The following NKAIN2 variants were observed in gnomAD, a reference collection of about 807,000 sequenced individuals.
The protein encoded by NKAIN2 is sodium/potassium-transporting ATPase subunit beta-1-interacting protein 2.
NKAIN2 carries 14 observed loss-of-function variants against 32.6 expected under a neutral mutation model. The observed-to-expected ratio is 0.43, with a 90% CI of 0.28 to 0.67. The LOEUF is 0.67. NKAIN2 is among the 30% of genes least tolerant of loss of function. The probability of loss-of-function intolerance (pLI) is 0.17; values close to 1 mark genes in which losing one functional copy is unlikely to be tolerated. For missense variants in NKAIN2, 198 were observed against 258.3 expected, an observed-to-expected ratio of 0.77 and a Z score of 1.60; for synonymous variants, 80 against 87.2, an observed-to-expected ratio of 0.92 and a Z score of 0.46.
chr6:124,558,112 T>C (rs1780544014), intron 3 of NKAIN2, among the ~76,000 whole-genome samples: 2 of 152,224 alleles, frequency 1.3e-5, no homozygotes, highest in Admixed American at 1.3e-4. Context: ...CCTTTCTCTC[T>C]GCAGTTTATG....
intron 2 of NKAIN2, among the ~76,000 whole-genome samples, chr6:124,313,368 C>G (rs960187263): frequency 6.6e-5 from 10 of 152,036 alleles, no homozygotes; most frequent in African/African-American, 2.4e-4. Context: ...TATTGCCTGT[C>G]CCTTAAAAGC....
chr6:123,888,817 A>T (rs1773858744), intron 1 of NKAIN2, among the ~76,000 whole-genome samples: 1 of 152,050 alleles, frequency 6.6e-6, no homozygotes, highest in Non-Finnish European at 1.5e-5. Context: ...TCTCTTAGGG[A>T]CTGTCCATAC....
At chr6:124,775,326 A>T (rs1473945076) in intron 4 of NKAIN2, among the ~76,000 whole-genome samples, 2 of 152,180 alleles carry the variant, frequency 1.3e-5, no homozygotes, top group Non-Finnish European at 2.9e-5. Context: ...CTTCTTTTGC[A>T]GCTTTCTTGG....
At chr6:124,446,982 A>C (rs1273529826) in intron 3 of NKAIN2, among the ~76,000 whole-genome samples, 1 of 152,124 alleles carries the variant, frequency 6.6e-6, no homozygotes, top group Non-Finnish European at 1.5e-5. Flanking sequence ...AGCCCCAACA[A>C]CAACGAATAA....
intron 1 of NKAIN2, among the ~76,000 whole-genome samples, chr6:123,812,196 C>A (rs1468897900): frequency 6.6e-6 from 1 of 152,124 alleles, no homozygotes; most frequent in Non-Finnish European, 1.5e-5. Context: ...TCTGATATCC[C>A]CTATTAATCT....
chr6:123,871,343 T>G (rs935758575), intron 1 of NKAIN2, among the ~76,000 whole-genome samples: 5 of 152,222 alleles, frequency 3.3e-5, no homozygotes, highest in Non-Finnish European at 7.3e-5. Flanking sequence ...TAAATTTCGC[T>G]GAAATATGTT....
intron 3 of NKAIN2, among the ~76,000 whole-genome samples, chr6:124,470,800 A>G (rs1776941433): frequency 2.6e-5 from 4 of 152,304 alleles, no homozygotes; most frequent in African/African-American, 9.6e-5. Flanking sequence ...AAAAACAAGA[A>G]CAGAAACAAA....
At chr6:123,865,657 T>C (rs1044014881) in intron 1 of NKAIN2, among the ~76,000 whole-genome samples, 3 of 152,208 alleles carry the variant, frequency 2.0e-5, no homozygotes, top group African/African-American at 7.2e-5. Flanking sequence ...TTCTTGGAAA[T>C]AAACTTCAGA....
Position 124,001,800 on chromosome 6 carries a change from A to AATATGT in NKAIN2, c.54+197550_54+197551insGTATAT, listed in dbSNP as rs1208005298. 2.5e-3 allele frequency among the ~76,000 whole-genome samples: 343 copies of AATATGT among 135,124 alleles called. 5 individuals are homozygous for AATATGT. The highest frequency in any genetic ancestry group is 9.1e-3 in the African/African-American group (331 of 36,238). The allele number at this position is 135,124 out of a possible 152,430, so 88.6% of individuals were successfully genotyped here. On this transcript the variant is annotated intron_variant, in intron 1 of 6. Transcript: ENST00000368417. ...AGAAAAAGAAGTTCTCTTAGTTCTAAATATATATATATATATATATATATA... is the reference window on the plus strand; with the variant it reads ...AGAAAAAGAAGTTCTCTTAGTTCTAAATATGTATATATATATATATATATATATATA...
intron 3 of NKAIN2, among the ~76,000 whole-genome samples, chr6:124,381,381 T>C (rs1037507084): frequency 2.0e-5 from 3 of 152,194 alleles, no homozygotes; most frequent in Non-Finnish European, 4.4e-5. Flanking sequence ...CAGTTCTCAG[T>C]AATATTTAAG....
At chr6:124,106,432 T>C (rs1785124114) in intron 1 of NKAIN2, among the ~76,000 whole-genome samples, 1 of 152,126 alleles carries the variant, frequency 6.6e-6, no homozygotes, top group African/African-American at 2.4e-5. Context: ...AAGATAGAGG[T>C]TTGTATCTAT....
chr6:123,811,651 C>T (rs1461722421), intron 1 of NKAIN2, among the ~76,000 whole-genome samples: 1 of 151,884 alleles, frequency 6.6e-6, no homozygotes, highest in Non-Finnish European at 1.5e-5. Context: ...ATAGGAGTAT[C>T]TAGGGGAGAT....
At chr6:124,758,271 A>G (rs754841400) in intron 4 of NKAIN2, among the ~76,000 whole-genome samples, 5 of 152,010 alleles carry the variant, frequency 3.3e-5, no homozygotes, top group Non-Finnish European at 7.4e-5. Flanking sequence ...CTCAAAACTC[A>G]TATGTTAAAA....
chr6:124,370,973 AC>A (rs1405129605), intron 3 of NKAIN2, among the ~76,000 whole-genome samples: 1 of 151,582 alleles, frequency 6.6e-6, no homozygotes, highest in Non-Finnish European at 1.5e-5. Flanking sequence ...TTACACCCAG[AC>A]CCCCCAGTAC....
chr6:123,918,093 A>T (rs1214566797), intron 1 of NKAIN2, among the ~76,000 whole-genome samples: 1 of 152,150 alleles, frequency 6.6e-6, no homozygotes, highest in African/African-American at 2.4e-5. Context: ...ATTCTTGTTT[A>T]TTGTATTTGT....
At chr6:124,535,804 C>T (rs1259850697) in intron 3 of NKAIN2, among the ~76,000 whole-genome samples, 2 of 151,672 alleles carry the variant, frequency 1.3e-5, no homozygotes, top group African/African-American at 4.9e-5. Flanking sequence ...CTGTAAGTTT[C>T]TCTCTTTTTC....
chr6:124,473,283 T>C (rs2114677963), intron 3 of NKAIN2, among the ~76,000 whole-genome samples: 1 of 152,340 alleles, frequency 6.6e-6, no homozygotes, highest in Non-Finnish European at 1.5e-5. Flanking sequence ...AGATGAGAGT[T>C]GACCAGGAAG....
At chr6:124,622,912 C>G (rs1244510584) in intron 3 of NKAIN2, among the ~76,000 whole-genome samples, 2 of 151,996 alleles carry the variant, frequency 1.3e-5, no homozygotes, top group Non-Finnish European at 2.9e-5. Flanking sequence ...TATATGGGTA[C>G]AGGATAGGGG....
At chr6:124,430,253 G>T (rs898589407) in intron 3 of NKAIN2, among the ~76,000 whole-genome samples, 3 of 152,262 alleles carry the variant, frequency 2.0e-5, no homozygotes, top group Admixed American at 1.3e-4. Context: ...ATTTTGAAAA[G>T]TTTCTCTAGA....
Sources: allele counts gnomAD v4.1 joint callset (sites outside exome capture counted in the v4.1 genomes callset), GRCh38; gene constraint gnomAD v4.1.1; transcripts MANE v1.5; gene names NCBI Gene and HGNC (gene_info 2026-07-23, HGNC 2026-07-21).